The following ANK2 variants were observed in gnomAD, a reference collection of about 807,000 sequenced individuals.
ANK2 encodes the protein ankyrin-2.
A neutral mutation model predicts 360.5 loss-of-function variants in ANK2; 83 were observed. The observed-to-expected ratio is 0.23, with a 90% confidence interval of 0.19 to 0.28. ANK2 has a LOEUF of 0.28. ANK2 is among the 10% of genes least tolerant of loss of function. The probability of loss-of-function intolerance (pLI) is 1.00; values close to 1 mark genes in which losing one functional copy is unlikely to be tolerated. For missense variants in ANK2, 4,201 were observed against 4,795.7 expected, an observed-to-expected ratio of 0.88 and a Z score of 3.66; for synonymous variants, 1,740 against 1,759.5, an observed-to-expected ratio of 0.99 and a Z score of 0.28.
At chr4:113,364,081 G>T (rs183064840) in intron 40 of ANK2, among the ~76,000 whole-genome samples, 2 of 152,296 alleles carry the variant, frequency 1.3e-5, no homozygotes, top group Admixed American at 1.3e-4. Flanking sequence ...GAATGGCATG[G>T]TGGGAGGAGG....
chr4:112,885,150 C>G (rs2077891716), intron 1 of ANK2, among the ~76,000 whole-genome samples: 1 of 152,074 alleles, frequency 6.6e-6, no homozygotes, highest in African/African-American at 2.4e-5. Flanking sequence ...TTCACTTAAT[C>G]TTTCCCCACT....
At chr4:113,194,436 A>G (rs17045736) in intron 2 of ANK2, among the ~76,000 whole-genome samples, 7,549 of 152,262 alleles carry the variant, frequency 0.05, 221 homozygotes, top group African/African-American at 0.074. Flanking sequence ...CAATGGGGAA[A>G]GTATTTCATA....
At chr4:113,160,468 T>C (rs2097489331) in intron 1 of ANK2, 3 of 251,642 alleles carry the variant, frequency 1.2e-5, no homozygotes, top group South Asian at 1.0e-4. Flanking sequence ...TGAAACCAAG[T>C]GTTAAAATTT....
At chr4:113,114,748 T>C (rs2094598804) in intron 1 of ANK2, among the ~76,000 whole-genome samples, 1 of 152,182 alleles carries the variant, frequency 6.6e-6, no homozygotes, top group South Asian at 2.1e-4. Context: ...CTTTCTTCTC[T>C]ATCTGTGCTG....
chr4:113,174,845 C>T (rs2098132918), intron 2 of ANK2, among the ~76,000 whole-genome samples: 1 of 152,112 alleles, frequency 6.6e-6, no homozygotes, highest in African/African-American at 2.4e-5. Flanking sequence ...ATCTTGGCTT[C>T]TTTCCTTCTT....
intron 2 of ANK2, among the ~76,000 whole-genome samples, chr4:112,996,212 A>G (rs1193121396): frequency 1.3e-5 from 2 of 152,196 alleles, no homozygotes; most frequent in Non-Finnish European, 2.9e-5. Flanking sequence ...ATTTTAGAAA[A>G]TGCAAACTAA....
chr4:113,180,283 T>TGCAG (rs1418708264), intron 2 of ANK2, among the ~76,000 whole-genome samples: 2 of 152,244 alleles, frequency 1.3e-5, no homozygotes, highest in Non-Finnish European at 2.9e-5. Context: ...AGTCAGCTTC[T>TGCAG]GCAGGCCTGA....
intron 45 of ANK2, 160 bp downstream of exon 45, chr4:113,373,609 A>G (rs2096822258): frequency 2.4e-6 from 2 of 836,018 alleles, no homozygotes; most frequent in East Asian, 2.4e-5. Flanking sequence ...TCATGATTCT[A>G]TGTGATTTTA....
At chr4:112,969,927 C>T (rs2038836393) in intron 2 of ANK2, among the ~76,000 whole-genome samples, 1 of 152,068 alleles carries the variant, frequency 6.6e-6, no homozygotes, top group Non-Finnish European at 1.5e-5. Context: ...TTGATGCAGG[C>T]CCCTGTCATA....
chr4:113,337,840 C>T (rs10005957), intron 31 of ANK2, among the ~76,000 whole-genome samples: 22,802 of 151,952 alleles, frequency 0.15, 3,469 homozygotes, highest in African/African-American at 0.39. Flanking sequence ...ATTCCAGCCC[C>T]GTAGATATAT....
chr4:113,122,246 C>T (rs1308604193), intron 1 of ANK2, among the ~76,000 whole-genome samples: 1 of 152,012 alleles, frequency 6.6e-6, no homozygotes, highest in Non-Finnish European at 1.5e-5. Flanking sequence ...GGAGATTGGA[C>T]AGCCTAGTCA....
intron 41 of ANK2, among the ~76,000 whole-genome samples, chr4:113,366,325 C>T (rs2096532362): frequency 6.6e-6 from 1 of 151,026 alleles, no homozygotes; most frequent in South Asian, 2.1e-4. Context: ...TAACATTTGG[C>T]ATGAATAGTG....
At chr4:113,373,688 AT>A (rs1458539440) in intron 45 of ANK2, 1 of 692,742 alleles carries the variant, frequency 1.4e-6, no homozygotes, top group Non-Finnish European at 2.7e-6. Context: ...AAAAATATCT[AT>A]TCTTTATTTA....
In ANK2 at chr4:113,355,326, A is replaced by G. The variant is rs751717622; in HGVS notation, c.6708A>G (p.Leu2236=). The G allele has an allele frequency of 2.5e-6, 4 of 1,614,082 alleles. No individual in the cohort carries two copies. Reference sequence around the variant, plus strand: ...AAGAAAGCTATAAGCATGAAGGCCTAGCAGAGACCCCTGAGACGAGCCCAG... The same window carrying G: ...AAGAAAGCTATAAGCATGAAGGCCTGGCAGAGACCCCTGAGACGAGCCCAG... ...SSEESYKHEG[L]AETPETSPES... Residue 2236 remains leucine (L), a synonymous_variant, in exon 38 of 46, where the codon CTA becomes CTG. Coordinates refer to ENST00000357077, the MANE Select transcript of ANK2 (RefSeq NM_001148.6).
intron 1 of ANK2, among the ~76,000 whole-genome samples, chr4:113,112,747 T>C (rs959345316): frequency 4.6e-5 from 7 of 152,264 alleles, no homozygotes; most frequent in East Asian, 1.9e-4. Context: ...AGGCATACAC[T>C]TGGGGGGTCT....
chr4:113,305,677 A>G (rs1429224572), intron 23 of ANK2, among the ~76,000 whole-genome samples: 2 of 152,230 alleles, frequency 1.3e-5, no homozygotes, highest in Admixed American at 6.5e-5. Flanking sequence ...GACATTGCCA[A>G]TGCCAACACT....
At chr4:113,195,291 CAG>C (rs1186394170) in intron 2 of ANK2, among the ~76,000 whole-genome samples, 18 of 152,146 alleles carry the variant, frequency 1.2e-4, no homozygotes, top group African/African-American at 4.3e-4. Flanking sequence ...TTAAATGTCA[CAG>C]TGTAAGAAGG....
intron 2 of ANK2, among the ~76,000 whole-genome samples, chr4:113,002,671 T>C (rs1420540662): frequency 6.6e-6 from 1 of 152,226 alleles, no homozygotes; most frequent in East Asian, 1.9e-4. Flanking sequence ...TCTTTTTTTC[T>C]AATTTCCAGG....
Position 113,282,861 on chromosome 4 carries a change from A to G in ANK2, c.2068A>G (p.Met690Val), listed in dbSNP as rs143336535. 4.3e-5 allele frequency: 70 copies of G among 1,613,840 alleles called. No homozygotes were observed. The highest frequency in any genetic ancestry group is 5.8e-5 in the Non-Finnish European group (69 of 1,179,900). The part of the protein sequence containing the change: ...LLLDKGANIH[M>V]STKSGLTSLH... ...TCTGGATAAGGGAGCCAATATCCAC[A>G]TGTCAACTAAGGTATTCTGTCCTTT... The change falls in exon 18 of 46, where the codon ATG becomes GTG. Residue 690 changes from methionine to valine, a missense_variant. By Grantham distance (21) the Met-to-Val change is conservative. Transcript: ENST00000357077.
Sources: gnomAD v4.1 joint callset for allele counts (sites outside exome capture counted in the v4.1 genomes callset) on GRCh38, gnomAD v4.1.1 for gene constraint, MANE v1.5 for transcripts, NCBI Gene and HGNC (gene_info 2026-07-23, HGNC 2026-07-21) for gene names.